The following ATR variants were observed in gnomAD, a reference collection of about 807,000 sequenced individuals.
ATR encodes the protein serine/threonine-protein kinase ATR.
A neutral mutation model predicts 305.3 loss-of-function variants in ATR; 142 were observed. That is an observed-to-expected ratio of 0.47 (90% confidence interval 0.41 to 0.53). The LOEUF is 0.53. ATR is among the 20% of genes least tolerant of loss of function. The probability of loss-of-function intolerance (pLI) is 0.00; values close to 1 mark genes in which losing one functional copy is unlikely to be tolerated. For synonymous variants in ATR, 1,050 were observed against 1,068.1 expected, an observed-to-expected ratio of 0.98 and a Z score of 0.33; for missense variants, 2,135 against 3,133.1, an observed-to-expected ratio of 0.68 and a Z score of 7.60.
intron 29 of ATR, 75 bp downstream of exon 29, chr3:142,505,064 C>T: frequency 6.4e-7 from 1 of 1,567,656 alleles, no homozygotes. Flanking sequence ...CAAAACAAAA[C>T]AAAAAAAACT....
In ATR at chr3:142,562,898, A is replaced by G; in HGVS notation, c.504T>C (p.Ala168=). ...YLHRRNVMGH[A]VEWPVVMSRF... is the part of the protein sequence containing the mutation. The stretch of plus-strand genomic sequence containing the variant: ...GGCTCATGACCACTGGCCATTCCAC[A>G]GCATGACCCATCACATTTCTTCTAT... Residue 168 remains alanine (A), a synonymous_variant, in exon 4 of 47, where the codon GCT becomes GCC. Transcript: ENST00000350721. 6.2e-7 allele frequency: 1 copy of G among 1,613,572 alleles called. No individual in the cohort carries two copies. The highest frequency in any genetic ancestry group is 2.2e-5 in the East Asian group (1 of 44,878).
chr3:142,450,800 A>C, intron 46 of ATR: 1 of 1,415,160 alleles, frequency 7.1e-7, no homozygotes, highest in South Asian at 1.4e-5. Context: ...GAACATGTTC[A>C]AGTGGTCCAA....
intron 23 of ATR, among the ~76,000 whole-genome samples, chr3:142,520,687 A>G (rs2033109016): frequency 6.6e-6 from 1 of 152,144 alleles, no homozygotes; most frequent in Non-Finnish European, 1.5e-5. Context: ...AAAAGTTTGA[A>G]GTGATACAAC....
chr3:142,492,338 A>G (rs1027167906), intron 35 of ATR, among the ~76,000 whole-genome samples: 2 of 152,182 alleles, frequency 1.3e-5, no homozygotes, highest in Non-Finnish European at 2.9e-5. Flanking sequence ...AATTGTTCTT[A>G]TAGCCTCTGC....
In ATR at chr3:142,562,872, C is replaced by A; in HGVS notation, c.530G>T (p.Arg177Leu). Residue 177 changes from arginine to leucine, a missense_variant, in exon 4 of 47, where the codon CGA (arginine) becomes CTA (leucine). By Grantham distance (102) the Arg-to-Leu change is moderately radical. Around this residue, in one of 9 missense-constraint regions of ATR, gnomAD observed 744 missense variants for 873.2 expected, o/e 0.85. Coordinates refer to ENST00000350721, the MANE Select transcript of ATR (RefSeq NM_001184.4). ...GTGTTCATCTAATTGACTTAAAAAT[C>A]GGCTCATGACCACTGGCCATTCCAC... Reference protein sequence around the residue: ...HAVEWPVVMSRFLSQLDEHMG... With the variant: ...HAVEWPVVMSLFLSQLDEHMG... 2 of 1,610,584 alleles carry A rather than the reference C, an allele frequency of 1.2e-6. No individual in the cohort carries two copies. Among genetic ancestry groups the A allele is most frequent in the Admixed American group, 1.7e-5 (1 of 59,292 alleles).
intron 45 of ATR, among the ~76,000 whole-genome samples, chr3:142,454,189 A>G (rs545576283): frequency 6.6e-6 from 1 of 152,298 alleles, no homozygotes; most frequent in Non-Finnish European, 1.5e-5. Context: ...TGTATTTCTC[A>G]GGCAGGCCAT....
Position 142,561,259 on chromosome 3 carries a change from G to A in ATR, c.1333C>T (p.Pro445Ser). 2 of 1,613,856 alleles carry A rather than the reference G, an allele frequency of 1.2e-6. No homozygotes were observed. Among genetic ancestry groups the A allele is most frequent in the Non-Finnish European group, 1.7e-6 (2 of 1,179,846 alleles). The change falls in exon 5 of 47, where the codon CCA becomes TCA. Residue 445 changes from proline to serine, a missense_variant. This residue lies in a region of ATR where 744 missense variants were observed against 873.2 expected (regional missense o/e 0.85). Transcript: ENST00000350721. Reference sequence around the variant, plus strand: ...TCATCATACTCCTCAGTCTGTTTTGGTGCTCTTTTAGAAGGGTTTAGAGAC... The same window carrying A: ...TCATCATACTCCTCAGTCTGTTTTGATGCTCTTTTAGAAGGGTTTAGAGAC... Reference protein sequence around the residue: ...SSSLNPSKRAPKQTEEIKHVD... With the variant: ...SSSLNPSKRASKQTEEIKHVD...
intron 19 of ATR, 100 bp downstream of exon 19, chr3:142,538,382 T>C: frequency 7.5e-7 from 1 of 1,329,066 alleles, no homozygotes; most frequent in Non-Finnish European, 1.0e-6. Flanking sequence ...AACCCTGAAA[T>C]TCAAAAAAGT....
Position 142,515,467 on chromosome 3 carries a change from T to A in ATR, c.4431A>T (p.Pro1477=). 6.2e-7 allele frequency: 1 copy of A among 1,613,126 alleles called. No homozygotes were observed. The highest frequency in any genetic ancestry group is 8.5e-7 in the Non-Finnish European group (1 of 1,179,160). Residue 1477 remains proline (P), a synonymous_variant, in exon 25 of 47, where the codon CCA becomes CCT. Coordinates refer to ENST00000350721, the MANE Select transcript of ATR (RefSeq NM_001184.4). ...KSTDWSGVKK[P]IYLSKLGSNF... is the part of the protein sequence containing the mutation. The stretch of plus-strand genomic sequence containing the variant: ...TACTACCCAATTTACTTAAGTAAAT[T>A]GGCTTCTTTACTCCAGACCAATCGG...
At chr3:142,558,549 A>G (rs1250682682) in intron 8 of ATR, 75 bp downstream of exon 8, 27 of 1,083,446 alleles carry the variant, frequency 2.5e-5, no homozygotes, top group Middle Eastern at 2.4e-4. Context: ...TAAATAAATA[A>G]ATAAATAAAT....
intron 21 of ATR, among the ~76,000 whole-genome samples, chr3:142,531,911 G>A (rs2033666353): frequency 6.6e-6 from 1 of 152,336 alleles, no homozygotes; most frequent in African/African-American, 2.4e-5. Flanking sequence ...ATCCTCTCCA[G>A]CACCTGTTGT....
At chr3:142,550,662 A>G (rs1166209547) in intron 13 of ATR, among the ~76,000 whole-genome samples, 4 of 152,222 alleles carry the variant, frequency 2.6e-5, no homozygotes, top group African/African-American at 9.6e-5. Flanking sequence ...TCTATACACC[A>G]TTATAAGATG....
chr3:142,460,873 T>C (rs1276230615), intron 42 of ATR, among the ~76,000 whole-genome samples: 1 of 152,170 alleles, frequency 6.6e-6, no homozygotes, highest in East Asian at 1.9e-4. Flanking sequence ...CTTTCCTTAA[T>C]GTTCATATCT....
chr3:142,480,888 T>G (rs981541967), intron 36 of ATR, among the ~76,000 whole-genome samples: 2 of 152,194 alleles, frequency 1.3e-5, no homozygotes, highest in African/African-American at 2.4e-5. Flanking sequence ...TTCAGAGCCA[T>G]GCACGGGATA....
At chr3:142,456,827 A>T (rs1394880778) in intron 45 of ATR, among the ~76,000 whole-genome samples, 1 of 152,252 alleles carries the variant, frequency 6.6e-6, no homozygotes, top group African/African-American at 2.4e-5. Flanking sequence ...GATGCAGAGA[A>T]GTTGAAACCC....
In ATR at chr3:142,450,007, A is replaced by G. The variant is rs62276421; in HGVS notation, c.7762-405T>C. The G allele has an allele frequency of 9.9e-3, 3,113 of 314,544 alleles. 22 individuals are homozygous for G. Among genetic ancestry groups the G allele is most frequent in the Non-Finnish European group, 0.014 (2,401 of 165,718 alleles). 19.5% of individuals were successfully genotyped at this position (314,544 alleles called of 1,614,324 possible). On this transcript the variant is annotated intron_variant, in intron 46 of 46. Transcript: ENST00000350721. Reference sequence around the variant, plus strand: ...TGCAAATGGGTGTTCTAAGTGAGCTACTTGGAACTGTACAATTTCTTAAGC... The same window carrying G: ...TGCAAATGGGTGTTCTAAGTGAGCTGCTTGGAACTGTACAATTTCTTAAGC...
At chr3:142,551,234 C>T (rs2034460842) in intron 13 of ATR, among the ~76,000 whole-genome samples, 1 of 152,030 alleles carries the variant, frequency 6.6e-6, no homozygotes, top group African/African-American at 2.4e-5. Context: ...CAAAATAGGG[C>T]TGCTCTCTCT....
intron 21 of ATR, among the ~76,000 whole-genome samples, chr3:142,524,486 A>G (rs2033288256): frequency 1.3e-5 from 2 of 152,234 alleles, no homozygotes; most frequent in Non-Finnish European, 2.9e-5. Context: ...TCAGTAAAAC[A>G]AGTCTTAACA....
intron 17 of ATR, among the ~76,000 whole-genome samples, chr3:142,542,052 C>T (rs2034070896): frequency 6.6e-6 from 1 of 152,044 alleles, no homozygotes; most frequent in Admixed American, 6.6e-5. Context: ...CCAACGGTGG[C>T]CAACTGTTGC....
Sources: gnomAD v4.1 joint callset for allele counts (sites outside exome capture counted in the v4.1 genomes callset) on GRCh38, gnomAD v4.1.1 for gene constraint, gnomAD v4.1.1 regional missense constraint, MANE v1.5 for transcripts, NCBI Gene and HGNC (gene_info 2026-07-23, HGNC 2026-07-21) for gene names.